The following THSD4 variants were observed in gnomAD, a reference collection of about 807,000 sequenced individuals.
The protein encoded by THSD4 is thrombospondin type-1 domain-containing protein 4.
THSD4 carries 69 observed loss-of-function variants against 119.0 expected under a neutral mutation model. That is an observed-to-expected ratio of 0.58 (90% CI 0.48 to 0.71). The LOEUF (loss-of-function observed/expected upper bound fraction) is 0.71, where lower values mean the gene tolerates loss of function less well. Among genes scored for constraint, THSD4 ranks in the 30% least tolerant of loss-of-function variants. THSD4 has a pLI of 0.00. For missense variants in THSD4, 1,393 were observed against 1,391.1 expected, an observed-to-expected ratio of 1.00 and a Z score of -0.02; for synonymous variants, 524 against 540.4, an observed-to-expected ratio of 0.97 and a Z score of 0.42.
At chr15:71,284,910 G>A (rs79328796) in intron 6 of THSD4, among the ~76,000 whole-genome samples, 4,280 of 151,778 alleles carry the variant, frequency 0.028, 99 homozygotes, top group Middle Eastern at 0.041. Flanking sequence ...GCTAGTATTC[G>A]AGTGGATAAA....
intron 4 of THSD4, among the ~76,000 whole-genome samples, chr15:71,221,248 T>C (rs921686289): frequency 6.6e-6 from 1 of 152,220 alleles, no homozygotes; most frequent in African/African-American, 2.4e-5. Context: ...TCAACTTTTC[T>C]TCCTCCAATT....
chr15:71,607,921 A>G lies in THSD4; in HGVS notation c.1153-52609A>G, dbSNP rs954484333. 2.6e-5 allele frequency among the ~76,000 whole-genome samples: 4 copies of G among 152,154 alleles called. No individual in the cohort carries two copies. The East Asian group carries it at 7.7e-4, about 29-fold the overall frequency. On this transcript the variant is annotated intron_variant, in intron 7 of 17. Coordinates refer to ENST00000261862, the MANE Select transcript of THSD4 (RefSeq NM_024817.3). ...GTTTCAGTGTAGTTGTGATCTTTCC[A>G]TTTTAAAAAATATATACTTAGCCTG...
chr15:71,365,977 C>CT (rs1473540216), intron 6 of THSD4, among the ~76,000 whole-genome samples: 5 of 152,196 alleles, frequency 3.3e-5, no homozygotes, highest in East Asian at 1.9e-4. Flanking sequence ...CCTCTCTAAA[C>CT]TAGAACTTCT....
At chr15:71,622,792 T>C (rs2050440829) in intron 7 of THSD4, among the ~76,000 whole-genome samples, 1 of 152,170 alleles carries the variant, frequency 6.6e-6, no homozygotes. Flanking sequence ...TAGGGAGACC[T>C]TTGATCATAC....
intron 4 of THSD4, among the ~76,000 whole-genome samples, chr15:71,226,923 G>A (rs1242500222): frequency 1.3e-5 from 2 of 152,098 alleles, no homozygotes; most frequent in Admixed American, 1.3e-4. Context: ...GGGAATTTTT[G>A]TGTGTTTTTT....
At chr15:71,509,072 T>C (rs1160905647) in intron 7 of THSD4, among the ~76,000 whole-genome samples, 2 of 152,096 alleles carry the variant, frequency 1.3e-5, no homozygotes, top group African/African-American at 4.8e-5. Flanking sequence ...TCCATGGGTT[T>C]ACTCATACTC....
chr15:71,694,526 T>C (rs748608541), intron 8 of THSD4, among the ~76,000 whole-genome samples: 9 of 152,238 alleles, frequency 5.9e-5, no homozygotes, highest in African/African-American at 9.6e-5. Flanking sequence ...TATAGTTTAA[T>C]TGAAATTTTT....
At chr15:71,325,606 A>G (rs2045327012) in intron 6 of THSD4, among the ~76,000 whole-genome samples, 1 of 152,232 alleles carries the variant, frequency 6.6e-6, no homozygotes, top group Non-Finnish European at 1.5e-5. Flanking sequence ...TCAGAGTACA[A>G]GGTTACATGA....
chr15:71,537,456 C>A (rs1039477907), intron 7 of THSD4, among the ~76,000 whole-genome samples: 1 of 152,154 alleles, frequency 6.6e-6, no homozygotes, highest in Non-Finnish European at 1.5e-5. Flanking sequence ...AGCCATACCC[C>A]CTTCCTCTCA....
chr15:71,489,127 A>T (rs1010550967), intron 7 of THSD4, among the ~76,000 whole-genome samples: 1 of 152,208 alleles, frequency 6.6e-6, no homozygotes, highest in Non-Finnish European at 1.5e-5. Flanking sequence ...AGAGTTCCTG[A>T]ATATTAAAAA....
chr15:71,727,577 T>C (rs1204271931), intron 8 of THSD4, among the ~76,000 whole-genome samples: 831 of 35,866 alleles, frequency 0.023, 18 homozygotes, highest in African/African-American at 0.088. Flanking sequence ...TATATATATA[T>C]ATATATATAT....
At chr15:71,651,557 A>G (rs1488694716) in intron 7 of THSD4, among the ~76,000 whole-genome samples, 4 of 152,124 alleles carry the variant, frequency 2.6e-5, no homozygotes, top group African/African-American at 4.8e-5. Flanking sequence ...AGAAGCCTAT[A>G]TATTCCCCAA....
At chr15:71,246,086 G>C (rs1327147848) in intron 5 of THSD4, among the ~76,000 whole-genome samples, 2 of 152,146 alleles carry the variant, frequency 1.3e-5, no homozygotes, top group Admixed American at 6.5e-5. Context: ...TACAGATGCC[G>C]AGCTTTGACA....
intron 7 of THSD4, among the ~76,000 whole-genome samples, chr15:71,581,719 C>G (rs1413992227): frequency 6.6e-6 from 1 of 152,092 alleles, no homozygotes; most frequent in Non-Finnish European, 1.5e-5. Flanking sequence ...GGGTTTGATT[C>G]CACTCTTCTG....
intron 7 of THSD4, among the ~76,000 whole-genome samples, chr15:71,429,233 C>T (rs1022247960): frequency 6.6e-6 from 1 of 152,212 alleles, no homozygotes; most frequent in African/African-American, 2.4e-5. Flanking sequence ...TTTATATACC[C>T]TTCTCCATAG....
chr15:71,484,320 C>T (rs1292684626), intron 7 of THSD4, among the ~76,000 whole-genome samples: 6 of 152,222 alleles, frequency 3.9e-5, no homozygotes, highest in Non-Finnish European at 1.5e-5. Flanking sequence ...GGCCCACATG[C>T]TGCTGTTTTC....
At position 71,158,488 on chromosome 15, in the gene THSD4, G is replaced by A. The variant is rs78853000; in HGVS notation, c.99+3556G>A. 6.1e-3 allele frequency among the ~76,000 whole-genome samples: 925 copies of A among 152,136 alleles called. 11 individuals are homozygous for A. The highest frequency in any genetic ancestry group is 0.021 in the African/African-American group (884 of 41,522). ...TTCTTTTGTCATTTTGATGATAGCT[G>A]TTCTAACTGGAGGGAGGTGGTATCT... On this transcript the variant is annotated intron_variant, in intron 3 of 17. Coordinates refer to ENST00000261862, the MANE Select transcript of THSD4 (RefSeq NM_024817.3).
At chr15:71,315,783 A>T (rs532099915) in intron 6 of THSD4, among the ~76,000 whole-genome samples, 4 of 152,200 alleles carry the variant, frequency 2.6e-5, no homozygotes, top group Non-Finnish European at 5.9e-5. Flanking sequence ...AGGAGGATGT[A>T]GATGCTTCAG....
At chr15:71,461,945 G>T (rs891768060) in intron 7 of THSD4, among the ~76,000 whole-genome samples, 1 of 152,042 alleles carries the variant, frequency 6.6e-6, no homozygotes, top group African/African-American at 2.4e-5. Flanking sequence ...GAAATATGTG[G>T]CCAAGATTGG....
Sources: allele counts gnomAD v4.1 joint callset (sites outside exome capture counted in the v4.1 genomes callset), GRCh38; gene constraint gnomAD v4.1.1; transcripts MANE v1.5; gene names NCBI Gene and HGNC (gene_info 2026-07-23, HGNC 2026-07-21).